GRM8: variants seen among roughly 807,000 people sequenced by gnomAD.
GRM8 encodes the protein glutamate metabotropic receptor 8, also known as metabotropic glutamate receptor 8.
GRM8 carries 47 observed loss-of-function variants against 87.2 expected under a neutral mutation model. The observed-to-expected ratio is 0.54, with a 90% CI of 0.43 to 0.69. The LOEUF (loss-of-function observed/expected upper bound fraction) is 0.69, where lower values mean the gene tolerates loss of function less well. Ranked by LOEUF, GRM8 falls within the 30% of genes least tolerant of loss-of-function variation. The pLI, the probability that GRM8 is intolerant of heterozygous loss-of-function variation, is 0.00. For missense variants in GRM8, 1,019 were observed against 1,139.2 expected (o/e 0.89, Z 1.52); for synonymous variants, 396 against 404.5 (o/e 0.98, Z 0.25).
chr7:126,589,764 A>T (rs1585143784), intron 8 of GRM8, among the ~76,000 whole-genome samples: 1 of 152,134 alleles, frequency 6.6e-6, no homozygotes, highest in East Asian at 1.9e-4. Flanking sequence ...AGGTGCTGCT[A>T]TCCATGACTA....
intron 7 of GRM8, among the ~76,000 whole-genome samples, chr7:126,652,805 A>C (rs1362481500): frequency 1.3e-5 from 2 of 152,110 alleles, no homozygotes; most frequent in Non-Finnish European, 2.9e-5. Flanking sequence ...TATATATCCT[A>C]TTAGTTACAT....
intron 7 of GRM8, among the ~76,000 whole-genome samples, chr7:126,742,556 G>A (rs1815133699): frequency 6.6e-6 from 1 of 151,820 alleles, no homozygotes; most frequent in Non-Finnish European, 1.5e-5. Flanking sequence ...GGAGCATGGT[G>A]GCCAACTCAC....
At chr7:126,999,349 TACTGCACAAGC>T (rs2132018053) in intron 3 of GRM8, among the ~76,000 whole-genome samples, 2 of 151,806 alleles carry the variant, frequency 1.3e-5, no homozygotes, top group Non-Finnish European at 3.0e-5. Flanking sequence ...TTTTGAATAA[TACTGCACAAGC>T]ACAGGCAACC....
rs576180440 is a variant in GRM8 at position 126,789,729 on chromosome 7, A to C, written c.1157-19664T>G. On this transcript the variant is annotated intron_variant, in intron 6 of 10. Coordinates refer to ENST00000339582, the MANE Select transcript of GRM8 (RefSeq NM_000845.3). ...ATCTGATAATGGTGACTTGGTAAAAATTATTTCATTCTAGTAAAATAGAAA... is the reference window on the plus strand; with the variant it reads ...ATCTGATAATGGTGACTTGGTAAAACTTATTTCATTCTAGTAAAATAGAAA... Among the ~76,000 whole-genome samples the C allele has an allele frequency of 6.0e-4, 92 of 152,308 alleles. 1 individual carries two copies. The South Asian group carries it at 0.018, about 30-fold the overall frequency.
At chr7:126,648,816 T>C (rs1803466921) in intron 7 of GRM8, among the ~76,000 whole-genome samples, 2 of 152,196 alleles carry the variant, frequency 1.3e-5, no homozygotes, top group South Asian at 2.1e-4. Flanking sequence ...TTAAGACCTA[T>C]TTATTAGAGC....
chr7:126,894,859 G>A (rs922000571), intron 6 of GRM8, among the ~76,000 whole-genome samples: 8 of 151,986 alleles, frequency 5.3e-5, no homozygotes, highest in African/African-American at 1.9e-4. Context: ...GACCAGATGA[G>A]CCTCAATTTC....
intron 3 of GRM8, among the ~76,000 whole-genome samples, chr7:126,943,687 C>T (rs779589737): frequency 5.3e-5 from 8 of 152,154 alleles, no homozygotes; most frequent in Non-Finnish European, 8.8e-5. Context: ...CTCTCATTGA[C>T]GCCGTGTATG....
chr7:126,759,365 G>A (rs1407295239), intron 7 of GRM8, among the ~76,000 whole-genome samples: 1 of 150,918 alleles, frequency 6.6e-6, no homozygotes, highest in Non-Finnish European at 1.5e-5. Flanking sequence ...TAATAACATG[G>A]GCGCAATTCC....
At chr7:126,530,667 TGGA>T (rs1480875628) in intron 9 of GRM8, among the ~76,000 whole-genome samples, 1 of 152,222 alleles carries the variant, frequency 6.6e-6, no homozygotes, top group African/African-American at 2.4e-5. Context: ...CAAAAGAAAA[TGGA>T]GGACTGACCA....
rs112894553 is a variant in GRM8, at chr7:126,987,007, T to G, written c.728-82324A>C. Among the ~76,000 whole-genome samples the G allele has an allele frequency of 8.8e-3, 1,347 of 152,264 alleles. 15 individuals are homozygous for G. Among genetic ancestry groups the G allele is most frequent in the African/African-American group, 0.03 (1,252 of 41,544 alleles). On this transcript the variant is annotated intron_variant, in intron 3 of 10. Transcript: ENST00000339582. ...GGGAAAACTGCGCGTAAAAGAAGTA[T>G]CTTGCCTAAATCCCTAGAATCAATA...
intron 2 of GRM8, among the ~76,000 whole-genome samples, chr7:127,234,514 G>A (rs564225792): frequency 2.0e-5 from 3 of 152,336 alleles, no homozygotes; most frequent in South Asian, 4.1e-4. Flanking sequence ...AAAAGCTGCT[G>A]CCAGACAGAA....
chr7:126,767,986 T>C (rs1360547377), intron 7 of GRM8, among the ~76,000 whole-genome samples: 5 of 152,084 alleles, frequency 3.3e-5, no homozygotes, highest in Admixed American at 2.0e-4. Flanking sequence ...TATGCTCCAA[T>C]AGGTTCTTGT....
chr7:126,689,735 A>AT (rs1356451379), intron 7 of GRM8, among the ~76,000 whole-genome samples: 1 of 152,240 alleles, frequency 6.6e-6, no homozygotes, highest in Non-Finnish European at 1.5e-5. Flanking sequence ...ACTTGTAATA[A>AT]TGACCCAATA....
intron 3 of GRM8, among the ~76,000 whole-genome samples, chr7:127,049,648 T>C (rs1314441576): frequency 6.6e-6 from 1 of 151,998 alleles, no homozygotes; most frequent in Non-Finnish European, 1.5e-5. Flanking sequence ...AACCAAACAA[T>C]AAATACTTAG....
intron 2 of GRM8, among the ~76,000 whole-genome samples, chr7:127,148,759 T>G (rs1828687005): frequency 6.6e-6 from 1 of 151,884 alleles, no homozygotes; most frequent in African/African-American, 2.4e-5. Context: ...AAAGGAAAAC[T>G]TAAAAATAAC....
At chr7:126,637,933 T>C (rs568523064) in intron 7 of GRM8, among the ~76,000 whole-genome samples, 4 of 152,186 alleles carry the variant, frequency 2.6e-5, no homozygotes, top group Middle Eastern at 3.4e-3. Context: ...GTGAAATAAA[T>C]GAAAAATCTT....
At chr7:126,900,312 C>T (rs1801943388) in intron 6 of GRM8, among the ~76,000 whole-genome samples, 1 of 152,258 alleles carries the variant, frequency 6.6e-6, no homozygotes, top group African/African-American at 2.4e-5. Flanking sequence ...AATTACATCA[C>T]CATTTTCCTA....
intron 9 of GRM8, among the ~76,000 whole-genome samples, chr7:126,452,673 A>G (rs1345027264): frequency 1.3e-5 from 2 of 151,786 alleles, no homozygotes; most frequent in Admixed American, 1.3e-4. Context: ...TTGGGCAGAT[A>G]AACATAATGC....
At chr7:127,075,390 G>A (rs1408160922) in intron 3 of GRM8, among the ~76,000 whole-genome samples, 1 of 152,146 alleles carries the variant, frequency 6.6e-6, no homozygotes, top group Non-Finnish European at 1.5e-5. Context: ...TTAGTAAAAT[G>A]GAAGTGATTA....
Sources: allele counts gnomAD v4.1 joint callset (sites outside exome capture counted in the v4.1 genomes callset), GRCh38; gene constraint gnomAD v4.1.1; transcripts MANE v1.5; gene names NCBI Gene and HGNC (gene_info 2026-07-23, HGNC 2026-07-21).